The following UBE2D2 variants were observed in gnomAD, a reference collection of about 807,000 sequenced individuals.
UBE2D2 encodes ubiquitin conjugating enzyme E2 D2, also known as ubiquitin-conjugating enzyme E2 D2.
Under a neutral mutation model 24.2 loss-of-function variants are expected in UBE2D2, and 2 were observed. The ratio of observed to expected loss-of-function variants is 0.08; its 90% CI spans 0.03 to 0.26. The LOEUF is 0.26. Among genes scored for constraint, UBE2D2 ranks in the 10% least tolerant of loss-of-function variants. The pLI, the probability that UBE2D2 is intolerant of heterozygous loss-of-function variation, is 1.00. For missense variants in UBE2D2, 44 were observed against 177.6 expected, an observed-to-expected ratio of 0.25 and a Z score of 4.28; for synonymous variants, 58 against 56.5, an observed-to-expected ratio of 1.03 and a Z score of -0.12.
At chr5:139,617,265 A>G (rs1283846463) in intron 5 of UBE2D2, among the ~76,000 whole-genome samples, 1 of 152,262 alleles carries the variant, frequency 6.6e-6, no homozygotes, top group East Asian at 1.9e-4. Flanking sequence ...AAAAGAAAAA[A>G]GGCATATACA....
At chr5:139,589,974 C>T (rs1012031476) in intron 1 of UBE2D2, among the ~76,000 whole-genome samples, 1 of 151,942 alleles carries the variant, frequency 6.6e-6, no homozygotes, top group African/African-American at 2.4e-5. Flanking sequence ...TTAGTAGAGA[C>T]GGGGTTTCAC....
At chr5:139,578,574 T>G (rs1753532176) in intron 1 of UBE2D2, among the ~76,000 whole-genome samples, 1 of 151,876 alleles carries the variant, frequency 6.6e-6, no homozygotes, top group South Asian at 2.1e-4. Context: ...CACCTCAGCC[T>G]TTCCAGTAGC....
chr5:139,541,349 C>A (rs189972031), intron 1 of UBE2D2, among the ~76,000 whole-genome samples: 1 of 149,656 alleles, frequency 6.7e-6, no homozygotes, highest in Admixed American at 6.7e-5. Flanking sequence ...CGCTTATAAT[C>A]CCAGCACTTT....
chr5:139,559,283 C>G (rs944756998), upstream of UBE2D2, among the ~76,000 whole-genome samples: 1 of 151,934 alleles, frequency 6.6e-6, no homozygotes, highest in East Asian at 1.9e-4. Flanking sequence ...AAAAATTACC[C>G]GGGCGTGCTT....
In UBE2D2 at chr5:139,561,605, C is replaced by T. The variant is rs1753096190; in HGVS notation, c.-187C>T. On this transcript the variant is annotated 5_prime_UTR_variant, in exon 1 of 7. Transcript: ENST00000398733. ...CCGCCGCCGGGTGATGCGGTGACCG[C>T]TGCGGCAGGCCCAGGAGCTGAGTGG... The T allele has an allele frequency of 4.5e-6, 2 of 447,802 alleles. No individual in the cohort carries two copies. The highest frequency in any genetic ancestry group is 4.4e-5 in the Admixed American group (1 of 22,780). The allele number at this position is 447,802 out of a possible 1,614,324, so 27.7% of individuals were successfully genotyped here.
intron 1 of UBE2D2, among the ~76,000 whole-genome samples, chr5:139,582,226 G>A (rs1430986087): frequency 6.6e-6 from 1 of 151,486 alleles, no homozygotes; most frequent in Non-Finnish European, 1.5e-5. Context: ...TCATCCTTCT[G>A]CCTTGGCCTC....
chr5:139,572,499 G>A lies in UBE2D2; in HGVS notation c.24+10684G>A, dbSNP rs368384707. Among the ~76,000 whole-genome samples the A allele has an allele frequency of 1.6e-4, 25 of 152,114 alleles. No individual in the cohort carries two copies. The South Asian group carries it at 5.2e-3, about 32-fold the overall frequency. ...TAATCCCTGCTACTCAAAAGGCCAA[G>A]ACAGGAGGATCGCTTGAGCCCAGGA... On this transcript the variant is annotated intron_variant, in intron 1 of 6. Transcript: ENST00000398733.
At chr5:139,592,996 CTTT>C (rs138217969) in intron 1 of UBE2D2, among the ~76,000 whole-genome samples, 11 of 124,786 alleles carry the variant, frequency 8.8e-5, no homozygotes, top group Non-Finnish European at 8.5e-5. Context: ...TTCTTTTTTC[CTTT>C]TTTTTTTTTT....
intron 1 of UBE2D2, among the ~76,000 whole-genome samples, chr5:139,537,042 G>T (rs1378710283): frequency 6.6e-6 from 1 of 151,970 alleles, no homozygotes; most frequent in Non-Finnish European, 1.5e-5. Flanking sequence ...AATTAGCCGG[G>T]CATGGTGGCG....
intron 1 of UBE2D2, among the ~76,000 whole-genome samples, chr5:139,577,398 A>ATC (rs1753496397): frequency 1.4e-5 from 2 of 142,000 alleles, no homozygotes; most frequent in African/African-American, 5.2e-5. Context: ...GCCAGTTAGC[A>ATC]TCTCTCTTTT....
chr5:139,586,733 C>G (rs1581511275), intron 1 of UBE2D2, among the ~76,000 whole-genome samples: 1 of 152,090 alleles, frequency 6.6e-6, no homozygotes, highest in East Asian at 1.9e-4. Context: ...CCACTGCACT[C>G]CAGCCTGGGC....
At chr5:139,603,372 T>G (rs554202785) in intron 2 of UBE2D2, among the ~76,000 whole-genome samples, 27 of 152,112 alleles carry the variant, frequency 1.8e-4, no homozygotes, top group Middle Eastern at 6.8e-3. Context: ...CACAGCCGAG[T>G]GCGATGGTTC....
intron 1 of UBE2D2, among the ~76,000 whole-genome samples, chr5:139,596,903 C>G (rs191323183): frequency 3.3e-5 from 5 of 151,760 alleles, no homozygotes; most frequent in Admixed American, 2.0e-4. Flanking sequence ...AAAAATTAGC[C>G]CGGCGTGGTG....
At position 139,561,752 on chromosome 5, in the gene UBE2D2, C is replaced by G; in HGVS notation, c.-40C>G. ...CCCCTTCCCCGTCCCTTCCCCGCCC[C>G]CGTCCCCGCCCCGGGGGCCGCCGCC... On this transcript the variant is annotated 5_prime_UTR_variant, in exon 1 of 7. Transcript: ENST00000398733. 2 of 1,452,546 alleles carry G rather than the reference C, an allele frequency of 1.4e-6. No individual in the cohort carries two copies. The highest frequency in any genetic ancestry group is 1.8e-6 in the Non-Finnish European group (2 of 1,095,290). The allele number at this position is 1,452,546 out of a possible 1,614,324, so 90.0% of individuals were successfully genotyped here.
At chr5:139,573,632 G>T (rs879672031) in intron 1 of UBE2D2, among the ~76,000 whole-genome samples, 1 of 151,858 alleles carries the variant, frequency 6.6e-6, no homozygotes, top group Admixed American at 6.6e-5. Flanking sequence ...GAAATAATAC[G>T]ACTACTTGGG....
intron 1 of UBE2D2, among the ~76,000 whole-genome samples, chr5:139,582,662 T>A (rs944429320): frequency 2.7e-5 from 4 of 147,656 alleles, no homozygotes; most frequent in African/African-American, 1.0e-4. Flanking sequence ...CGATTTAGAT[T>A]CGAATTTTTT....
chr5:139,577,457 AG>A (rs1308144961), intron 1 of UBE2D2, among the ~76,000 whole-genome samples: 1 of 119,332 alleles, frequency 8.4e-6, no homozygotes, highest in Non-Finnish European at 1.6e-5. Flanking sequence ...CTTGTTGCCC[AG>A]GCTGGAGTGC....
chr5:139,555,928 A>G (rs1752976343), intron 1 of UBE2D2, among the ~76,000 whole-genome samples: 1 of 139,974 alleles, frequency 7.1e-6, no homozygotes, highest in African/African-American at 2.6e-5. Flanking sequence ...CCATCTCAAA[A>G]AAAAAAAAAA....
At chr5:139,610,516 G>T (rs1021292602) in intron 2 of UBE2D2, among the ~76,000 whole-genome samples, 2 of 151,460 alleles carry the variant, frequency 1.3e-5, no homozygotes, top group African/African-American at 4.9e-5. Context: ...CTCCAGCCTG[G>T]GCAACAGAGC....
Sources: allele counts gnomAD v4.1 joint callset (sites outside exome capture counted in the v4.1 genomes callset), GRCh38; gene constraint gnomAD v4.1.1; transcripts MANE v1.5; gene names NCBI Gene and HGNC (gene_info 2026-07-23, HGNC 2026-07-21).